SORCS1: variants seen among roughly 807,000 people sequenced by gnomAD.
SORCS1 encodes sortilin related VPS10 domain containing receptor 1.
In SORCS1, 60 loss-of-function variants were observed where a neutral mutation model predicts 146.1. The observed-to-expected ratio is 0.41, with a 90% CI of 0.33 to 0.51. SORCS1 has a LOEUF of 0.51. Among genes scored for constraint, SORCS1 ranks in the 20% least tolerant of loss-of-function variants. SORCS1 has a pLI of 0.21. For synonymous variants in SORCS1, 637 were observed against 584.0 expected (o/e 1.09, Z -1.31); for missense variants, 1,352 against 1,487.6 (o/e 0.91, Z 1.50).
At chr10:106,743,186 G>A (rs1000741316) in intron 5 of SORCS1, among the ~76,000 whole-genome samples, 5 of 151,826 alleles carry the variant, frequency 3.3e-5, no homozygotes, top group African/African-American at 1.2e-4. Context: ...GGAAAGAGAG[G>A]GAGTAAAAGA....
At chr10:106,844,570 T>A (rs930211370) in intron 2 of SORCS1, among the ~76,000 whole-genome samples, 2 of 151,908 alleles carry the variant, frequency 1.3e-5, no homozygotes, top group African/African-American at 4.8e-5. Context: ...ATTTCTTTTT[T>A]TTTTTAATTA....
intron 2 of SORCS1, among the ~76,000 whole-genome samples, chr10:106,835,992 C>A (rs1262249591): frequency 7.0e-6 from 1 of 143,280 alleles, no homozygotes; most frequent in Non-Finnish European, 1.5e-5. Context: ...GCAACAGGAG[C>A]GAGACTGCGT....
chr10:107,120,754 C>T (rs752197291), intron 1 of SORCS1, among the ~76,000 whole-genome samples: 1 of 152,182 alleles, frequency 6.6e-6, no homozygotes, highest in Non-Finnish European at 1.5e-5. Flanking sequence ...ACTGCTACAA[C>T]TGAAAATGCG....
Position 106,834,707 on chromosome 10 carries a change from A to G in SORCS1, c.627-5034T>C, listed in dbSNP as rs1335905668. Among the ~76,000 whole-genome samples, 4 of 152,224 alleles carry G rather than the reference A, an allele frequency of 2.6e-5. No homozygotes were observed. The East Asian group carries it at 7.7e-4, about 29-fold the overall frequency. ...AAAAACAAAAAAAGGAAAGGATCTT[A>G]AAATGTGTATCTTAAATAGTCATAA... On this transcript the variant is annotated intron_variant, in intron 2 of 25. Transcript: ENST00000263054.
At chr10:106,738,706 G>C (rs768301674) in intron 5 of SORCS1, among the ~76,000 whole-genome samples, 2 of 152,172 alleles carry the variant, frequency 1.3e-5, no homozygotes, top group Non-Finnish European at 2.9e-5. Context: ...AAGTTTAAAG[G>C]AATTGCTCAG....
intron 17 of SORCS1, among the ~76,000 whole-genome samples, chr10:106,664,612 A>AAAT: frequency 1.3e-5 from 2 of 152,186 alleles, no homozygotes; most frequent in Admixed American, 6.5e-5. Flanking sequence ...ACTGCACTCC[A>AAAT]GCCTGGGTAA....
intron 2 of SORCS1, among the ~76,000 whole-genome samples, chr10:106,843,643 G>T (rs971238487): frequency 6.6e-6 from 1 of 151,998 alleles, no homozygotes; most frequent in African/African-American, 2.4e-5. Flanking sequence ...CACCGTGTTA[G>T]CCAGGATGGT....
At chr10:107,170,153 A>C in the SORCS1 span, among the ~76,000 whole-genome samples, 7 of 152,200 alleles carry the variant, frequency 4.6e-5, no homozygotes. Flanking sequence ...AAATGATCTG[A>C]AAACTGTAAA....
At chr10:106,951,687 T>C (rs1227128490) in intron 2 of SORCS1, among the ~76,000 whole-genome samples, 1 of 152,174 alleles carries the variant, frequency 6.6e-6, no homozygotes, top group Non-Finnish European at 1.5e-5. Context: ...AAAATTATCT[T>C]TGGATGACCA....
At chr10:106,786,918 T>C (rs554712105) in intron 3 of SORCS1, among the ~76,000 whole-genome samples, 1 of 152,326 alleles carries the variant, frequency 6.6e-6, no homozygotes, top group African/African-American at 2.4e-5. Context: ...TTCTAATCTG[T>C]TATCAGATTA....
intron 4 of SORCS1, among the ~76,000 whole-genome samples, chr10:106,774,905 G>A (rs994941795): frequency 1.1e-4 from 16 of 152,172 alleles, no homozygotes; most frequent in African/African-American, 3.9e-4. Flanking sequence ...ACTTTGGAAG[G>A]GTACCTACAA....
At chr10:107,011,566 T>G (rs1957697483) in intron 1 of SORCS1, among the ~76,000 whole-genome samples, 1 of 152,230 alleles carries the variant, frequency 6.6e-6, no homozygotes, top group African/African-American at 2.4e-5. Context: ...CCACAAGGTT[T>G]ACTTCACAGC....
At position 106,855,114 on chromosome 10, in the gene SORCS1, C is replaced by T. The variant is rs191320875; in HGVS notation, c.627-25441G>A. On this transcript the variant is annotated intron_variant, in intron 2 of 25. Transcript: ENST00000263054. ...GAGAAAAGTCTTTATCTCTCCTTCA[C>T]TTTTGAAAGATAGTTTTGCAGGGTA... Among the ~76,000 whole-genome samples the T allele has an allele frequency of 1.8e-3, 267 of 152,246 alleles. 2 individuals are homozygous for T. Among genetic ancestry groups the T allele is most frequent in the Middle Eastern group, 6.8e-3 (2 of 294 alleles).
chr10:106,699,729 T>C (rs758576468), intron 8 of SORCS1, among the ~76,000 whole-genome samples: 5 of 152,154 alleles, frequency 3.3e-5, no homozygotes, highest in Non-Finnish European at 5.9e-5. Flanking sequence ...AGCACAAATA[T>C]GATACTTGCT....
At chr10:107,039,197 G>A (rs1018909559) in intron 1 of SORCS1, among the ~76,000 whole-genome samples, 8 of 151,440 alleles carry the variant, frequency 5.3e-5, no homozygotes, top group Admixed American at 3.9e-4. Flanking sequence ...GCGTAGTGGC[G>A]GGCGCCTGTA....
At position 106,576,446 on chromosome 10, in the gene SORCS1, G is replaced by C. The variant is rs1167841131; in HGVS notation, c.*974C>G. The C allele has an allele frequency of 6.6e-6, 1 of 152,258 alleles. No individual in the cohort carries two copies. The highest frequency in any genetic ancestry group is 1.5e-5 in the Non-Finnish European group (1 of 68,060). The allele number at this position is 152,258 out of a possible 1,614,324, so 9.4% of individuals were successfully genotyped here. ...ATATCAACAGATCATGGTCACACAT[G>C]GATGACAAACAAATGTGAAGACAGG... On this transcript the variant is annotated 3_prime_UTR_variant, in exon 26 of 26. Transcript: ENST00000263054.
intron 2 of SORCS1, among the ~76,000 whole-genome samples, chr10:106,835,557 AT>A (rs1217307322): frequency 2.0e-5 from 3 of 152,256 alleles, no homozygotes; most frequent in Non-Finnish European, 4.4e-5. Context: ...AATTTAGTCT[AT>A]CATATCTTGA....
At chr10:107,083,110 C>CAAAAAAAAAAAAAAAAAAAAAAAAAAAAA (rs538577059) in intron 1 of SORCS1, among the ~76,000 whole-genome samples, 1 of 60,486 alleles carries the variant, frequency 1.7e-5, no homozygotes, top group Non-Finnish European at 3.3e-5. Flanking sequence ...CTCCAACTCA[C>CAAAAAAAAAAAAAAAAAAAAAAAAAAAAA]AAAAAAAAAA....
the SORCS1 span, among the ~76,000 whole-genome samples, chr10:107,179,904 C>CTTTTTTTTTTTTTTTTTT: frequency 2.0e-5 from 1 of 51,248 alleles, no homozygotes; most frequent in African/African-American, 8.4e-5. Context: ...ACAAAACAGA[C>CTTTTTTTTTTTTTTTTTT]TTTTTTTTTT....
Sources: allele counts gnomAD v4.1 joint callset (sites outside exome capture counted in the v4.1 genomes callset), GRCh38; gene constraint gnomAD v4.1.1; transcripts MANE v1.5; gene names NCBI Gene and HGNC (gene_info 2026-07-23, HGNC 2026-07-21).